DIP2C: variants seen among roughly 807,000 people sequenced by gnomAD.
The protein encoded by DIP2C is DIP2 acetate--CoA ligase C (putative).
A neutral mutation model predicts 192.4 loss-of-function variants in DIP2C; 33 were observed. That is an observed-to-expected ratio of 0.17 (90% CI 0.13 to 0.23). DIP2C has a LOEUF of 0.23. Ranked by LOEUF, DIP2C falls within the 10% of genes least tolerant of loss-of-function variation. DIP2C has a pLI of 1.00. For missense variants in DIP2C, 1,537 were observed against 2,110.1 expected, an observed-to-expected ratio of 0.73 and a Z score of 5.32; for synonymous variants, 979 against 864.1, an observed-to-expected ratio of 1.13 and a Z score of -2.33.
intron 1 of DIP2C, among the ~76,000 whole-genome samples, chr10:582,632 G>A (rs1404513591): frequency 6.6e-6 from 1 of 152,160 alleles, no homozygotes; most frequent in Non-Finnish European, 1.5e-5. Context: ...GCGTTTAGGT[G>A]GAGGAAACAC....
intron 4 of DIP2C, among the ~76,000 whole-genome samples, chr10:439,570 G>A (rs968732764): frequency 1.3e-5 from 2 of 152,122 alleles, no homozygotes; most frequent in Admixed American, 6.5e-5. Flanking sequence ...TGAGCCAAGA[G>A]CTGCAATCAT....
intron 3 of DIP2C, among the ~76,000 whole-genome samples, chr10:471,714 T>A (rs1243835449): frequency 6.8e-6 from 1 of 147,536 alleles, no homozygotes; most frequent in African/African-American, 2.7e-5. Flanking sequence ...TTGGAAAAAC[T>A]CTCTCAGAAT....
At chr10:370,674 C>T (rs551410621) in intron 17 of DIP2C, among the ~76,000 whole-genome samples, 5 of 152,332 alleles carry the variant, frequency 3.3e-5, no homozygotes, top group African/African-American at 1.2e-4. Flanking sequence ...TGAAAACTAA[C>T]AATTCCTCAA....
Position 615,400 on chromosome 10 carries a change from A to G in DIP2C, c.85+74094T>C, listed in dbSNP as rs149334911. On this transcript the variant is annotated intron_variant, in intron 1 of 36. Coordinates refer to ENST00000280886, the MANE Select transcript of DIP2C (RefSeq NM_014974.3). The stretch of plus-strand genomic sequence containing the variant: ...GCCACGGTGTTTACAATGGAGACAC[A>G]GGTGACTATGAGGTCTGGCTTCCTC... Among the ~76,000 whole-genome samples, 461 of 152,322 alleles carry G rather than the reference A, an allele frequency of 3.0e-3. 2 individuals are homozygous for G. Among genetic ancestry groups the G allele is most frequent in the Non-Finnish European group, 4.8e-3 (327 of 68,024 alleles).
intron 3 of DIP2C, among the ~76,000 whole-genome samples, chr10:470,495 C>T (rs186287143): frequency 1.3e-3 from 198 of 152,232 alleles, no homozygotes; most frequent in African/African-American, 4.5e-3. Context: ...GAACAGAAAA[C>T]GCACCCCAAG....
At chr10:491,951 A>G (rs970157820) in intron 1 of DIP2C, among the ~76,000 whole-genome samples, 4 of 152,114 alleles carry the variant, frequency 2.6e-5, no homozygotes, top group African/African-American at 7.2e-5. Context: ...TCCTGACCCC[A>G]GAAAACAGGG....
At chr10:404,523 A>AG (rs2133049667) in intron 9 of DIP2C, among the ~76,000 whole-genome samples, 1 of 152,288 alleles carries the variant, frequency 6.6e-6, no homozygotes, top group African/African-American at 2.4e-5. Context: ...TCTTGAAGTT[A>AG]AACAATTTTT....
chr10:627,872 C>T (rs979368970), intron 1 of DIP2C, among the ~76,000 whole-genome samples: 2 of 152,260 alleles, frequency 1.3e-5, no homozygotes, highest in African/African-American at 4.8e-5. Context: ...GAACAGACCA[C>T]GCCCTCATTA....
At chr10:447,567 AC>A (rs1271951318) in intron 3 of DIP2C, among the ~76,000 whole-genome samples, 1 of 108,104 alleles carries the variant, frequency 9.3e-6, no homozygotes, top group African/African-American at 3.9e-5. Context: ...GGACCCACTC[AC>A]CCGTCGATAA....
chr10:302,836 T>C (rs907416498), intron 32 of DIP2C, among the ~76,000 whole-genome samples: 3 of 152,192 alleles, frequency 2.0e-5, no homozygotes, highest in Non-Finnish European at 4.4e-5. Context: ...ACAGAGCTTG[T>C]AGGACGGGAA....
chr10:359,475 A>G (rs770739922), intron 22 of DIP2C, among the ~76,000 whole-genome samples: 9 of 152,112 alleles, frequency 5.9e-5, no homozygotes, highest in Non-Finnish European at 1.3e-4. Context: ...GACTCTGTGT[A>G]ACAGTAAGAT....
intron 2 of DIP2C, among the ~76,000 whole-genome samples, chr10:479,088 G>A (rs901686017): frequency 5.3e-5 from 8 of 152,206 alleles, no homozygotes; most frequent in African/African-American, 1.9e-4. Flanking sequence ...TCCCAGAGCA[G>A]TTTCTAAATC....
At chr10:395,030 A>G (rs1164449475) in intron 10 of DIP2C, among the ~76,000 whole-genome samples, 1 of 150,816 alleles carries the variant, frequency 6.6e-6, no homozygotes, top group African/African-American at 2.4e-5. Context: ...GCACAGAAAG[A>G]CCAAGGCTAC....
At position 683,281 on chromosome 10, in the gene DIP2C, C is replaced by A. The variant is rs1235401749; in HGVS notation, c.85+6213G>T. Among the ~76,000 whole-genome samples, 6 of 152,332 alleles carry A rather than the reference C, an allele frequency of 3.9e-5. No homozygotes were observed. The South Asian group carries it at 8.3e-4, about 21-fold the overall frequency. ...GCAGGCTCCGAAGAGGCGGAGCCCT[C>A]GTTCCGCAGCCACCGCTGTCTTTCT... On this transcript the variant is annotated intron_variant, in intron 1 of 36. Coordinates refer to ENST00000280886, the MANE Select transcript of DIP2C (RefSeq NM_014974.3).
chr10:485,041 A>T, intron 2 of DIP2C: 1 of 1,432,368 alleles, frequency 7.0e-7, no homozygotes, highest in African/African-American at 1.4e-5. Flanking sequence ...CCCATGCAGG[A>T]CAGCACACAG....
rs1387325825 is a variant in DIP2C at position 651,058 on chromosome 10, C to T, written c.85+38436G>A. The T allele has an allele frequency of 1.4e-6, 1 of 717,470 alleles. No homozygotes were observed. Among genetic ancestry groups the T allele is most frequent in the South Asian group, 1.5e-5 (1 of 67,602 alleles). 44.4% of individuals were successfully genotyped at this position (717,470 alleles called of 1,614,324 possible). ...AAGCCCCTTTCCATCCTAGCCCCTGCCACCCCTCCTGCTCTTGTCTCTCCC... is the reference window on the plus strand; with the variant it reads ...AAGCCCCTTTCCATCCTAGCCCCTGTCACCCCTCCTGCTCTTGTCTCTCCC... On this transcript the variant is annotated intron_variant, in intron 1 of 36. Transcript: ENST00000280886. This position sits in a 1 kb window ranked among gnomAD's most constrained non-coding sequence, Gnocchi z 4.1.
chr10:288,471 TC>T (rs767972138), intron 32 of DIP2C, 50 bp from the exon 33 acceptor site: 1 of 1,598,476 alleles, frequency 6.3e-7, no homozygotes, highest in African/African-American at 1.3e-5. Context: ...TGTCCAGTTT[TC>T]CCCTTCACCA....
intron 33 of DIP2C, among the ~76,000 whole-genome samples, 164 bp downstream of exon 33, chr10:288,200 G>C (rs1365998387): frequency 6.6e-6 from 1 of 152,084 alleles, no homozygotes; most frequent in Non-Finnish European, 1.5e-5. Flanking sequence ...AGTCTAACTT[G>C]TTTAAAACAC....
At chr10:522,436 A>C (rs1426334411) in intron 1 of DIP2C, among the ~76,000 whole-genome samples, 3 of 152,266 alleles carry the variant, frequency 2.0e-5, no homozygotes, top group Non-Finnish European at 2.9e-5. Flanking sequence ...GTAAATGTCC[A>C]GGACTGTGGT....
Sources: gnomAD v4.1 joint callset for allele counts (sites outside exome capture counted in the v4.1 genomes callset) on GRCh38, gnomAD v4.1.1 for gene constraint, Gnocchi (gnomAD v3.1) non-coding constraint, MANE v1.5 for transcripts, NCBI Gene and HGNC (gene_info 2026-07-23, HGNC 2026-07-21) for gene names.